The following PRUNE2 variants were observed in gnomAD, a reference collection of about 807,000 sequenced individuals.
PRUNE2 encodes the protein protein prune homolog 2.
In PRUNE2, 164 loss-of-function variants were observed where a neutral mutation model predicts 252.0. The ratio of observed to expected loss-of-function variants is 0.65; its 90% CI spans 0.57 to 0.74. PRUNE2 has a LOEUF of 0.74. Among genes scored for constraint, PRUNE2 ranks in the 30% least tolerant of loss-of-function variants. The pLI, the probability that PRUNE2 is intolerant of heterozygous loss-of-function variation, is 0.00. For missense variants in PRUNE2, 3,495 were observed against 3,711.0 expected, an observed-to-expected ratio of 0.94 and a Z score of 1.51; for synonymous variants, 1,292 against 1,350.2, an observed-to-expected ratio of 0.96 and a Z score of 0.94.
intron 6 of PRUNE2, among the ~76,000 whole-genome samples, chr9:76,753,435 C>T (rs776085724): frequency 2.1e-4 from 32 of 152,268 alleles, no homozygotes; most frequent in Non-Finnish European, 3.8e-4. Flanking sequence ...GTGTTTTCTA[C>T]TGCAACAAAA....
intron 18 of PRUNE2, among the ~76,000 whole-genome samples, chr9:76,615,416 C>A (rs907442535): frequency 1.3e-5 from 2 of 152,218 alleles, no homozygotes; most frequent in Non-Finnish European, 2.9e-5. Flanking sequence ...CTGTGCTTTA[C>A]TTGTGGAATT....
intron 11 of PRUNE2, among the ~76,000 whole-genome samples, chr9:76,645,571 A>C (rs189026219): frequency 1.5e-4 from 23 of 152,252 alleles, no homozygotes; most frequent in African/African-American, 3.9e-4. Context: ...AAGACTCCCA[A>C]ATTGATGGGT....
At chr9:76,887,837 C>T (rs895367961) in intron 1 of PRUNE2, among the ~76,000 whole-genome samples, 2 of 152,118 alleles carry the variant, frequency 1.3e-5, no homozygotes, top group South Asian at 2.1e-4. Flanking sequence ...TGAAAGCCAC[C>T]GACATTGGGG....
chr9:76,844,157 C>T (rs1384971434), intron 4 of PRUNE2, among the ~76,000 whole-genome samples: 7 of 152,182 alleles, frequency 4.6e-5, no homozygotes, highest in Admixed American at 1.3e-4. Flanking sequence ...ATTTAACCAT[C>T]CTTTAGTTCC....
At chr9:76,696,569 G>C (rs890183736) in intron 9 of PRUNE2, among the ~76,000 whole-genome samples, 3 of 152,146 alleles carry the variant, frequency 2.0e-5, no homozygotes, top group African/African-American at 7.2e-5. Context: ...GGGACTACAG[G>C]TGCCCGCCAC....
chr9:76,838,245 AATAG>A (rs10630698), intron 4 of PRUNE2, among the ~76,000 whole-genome samples: 1 of 151,220 alleles, frequency 6.6e-6, no homozygotes, highest in Non-Finnish European at 1.5e-5. Flanking sequence ...AACATAATAA[AATAG>A]ATAGATAAAC....
At chr9:76,794,329 G>T (rs1450836506) in intron 6 of PRUNE2, among the ~76,000 whole-genome samples, 3 of 152,142 alleles carry the variant, frequency 2.0e-5, no homozygotes, top group Non-Finnish European at 4.4e-5. Flanking sequence ...AAAGAGCGCG[G>T]CCTCCGAGCG....
intron 9 of PRUNE2, among the ~76,000 whole-genome samples, chr9:76,670,219 C>T (rs1353408639): frequency 6.6e-6 from 1 of 152,272 alleles, no homozygotes; most frequent in African/African-American, 2.4e-5. Context: ...CGAAGCAGGG[C>T]GAGGCATTGC....
intron 6 of PRUNE2, among the ~76,000 whole-genome samples, chr9:76,741,735 T>C (rs1459868234): frequency 2.0e-5 from 3 of 152,184 alleles, no homozygotes. Flanking sequence ...AGAACAATCC[T>C]ATAAAATCTC....
intron 6 of PRUNE2, among the ~76,000 whole-genome samples, chr9:76,727,639 CTTCT>C (rs2048210907): frequency 9.1e-6 from 1 of 110,316 alleles, no homozygotes; most frequent in Non-Finnish European, 1.9e-5. Flanking sequence ...CTTTCTTCTT[CTTCT>C]TCTTTTTTTT....
chr9:76,685,816 G>A (rs1020381360), intron 9 of PRUNE2, among the ~76,000 whole-genome samples: 2 of 152,136 alleles, frequency 1.3e-5, no homozygotes, highest in Admixed American at 6.5e-5. Context: ...GATCTTCACC[G>A]GTATATCCAG....
intron 9 of PRUNE2, among the ~76,000 whole-genome samples, chr9:76,667,869 A>G (rs1588378358): frequency 6.6e-6 from 1 of 152,224 alleles, no homozygotes; most frequent in East Asian, 1.9e-4. Context: ...ACGTAGCTAT[A>G]GACAATATGT....
intron 6 of PRUNE2, chr9:76,759,608 T>C (rs963228360): frequency 1.3e-5 from 2 of 152,226 alleles, no homozygotes; most frequent in African/African-American, 4.8e-5. Context: ...TCCCACTCCA[T>C]TCCCTTTCCA....
At chr9:76,698,388 TACC>T (rs1305608386) in intron 9 of PRUNE2, among the ~76,000 whole-genome samples, 1 of 152,128 alleles carries the variant, frequency 6.6e-6, no homozygotes, top group East Asian at 1.9e-4. Flanking sequence ...CTCACCAACA[TACC>T]ACACCAACAG....
At chr9:76,854,951 A>C (rs1031607678) in intron 1 of PRUNE2, among the ~76,000 whole-genome samples, 3 of 150,952 alleles carry the variant, frequency 2.0e-5, no homozygotes, top group African/African-American at 7.3e-5. Flanking sequence ...CTGTAGTTCC[A>C]GCTATTCAGG....
chr9:76,733,403 ATT>A (rs2048801459), intron 6 of PRUNE2, among the ~76,000 whole-genome samples: 2 of 151,958 alleles, frequency 1.3e-5, no homozygotes, highest in South Asian at 4.2e-4. Context: ...TCATTCATTC[ATT>A]CATTCATTCA....
At chr9:76,638,080 G>T in intron 13 of PRUNE2, 106 bp downstream of exon 13, 1 of 737,394 alleles carries the variant, frequency 1.4e-6, no homozygotes, top group Admixed American at 2.1e-5. Context: ...TTCACTGAAG[G>T]CTTAGAACAT....
intron 3 of PRUNE2, among the ~76,000 whole-genome samples, chr9:76,848,056 G>C (rs1007742629): frequency 2.6e-5 from 4 of 152,196 alleles, no homozygotes; most frequent in African/African-American, 9.6e-5. Context: ...CTGAGGTCAG[G>C]AGTTTGAAAC....
chr9:76,773,709 G>T (rs1336443123), intron 6 of PRUNE2, among the ~76,000 whole-genome samples: 17 of 152,146 alleles, frequency 1.1e-4, no homozygotes, highest in Admixed American at 7.9e-4. Context: ...CTCCCAAAGT[G>T]CTGGGATTAC....
Sources: allele counts gnomAD v4.1 joint callset (sites outside exome capture counted in the v4.1 genomes callset), GRCh38; gene constraint gnomAD v4.1.1; transcripts MANE v1.5; gene names NCBI Gene and HGNC (gene_info 2026-07-23, HGNC 2026-07-21).